The following GSE1 variants were observed in gnomAD, a reference collection of about 807,000 sequenced individuals.
GSE1 encodes genetic suppressor element 1.
GSE1 carries 32 observed loss-of-function variants against 112.6 expected under a neutral mutation model. The observed-to-expected ratio is 0.28, with a 90% CI of 0.21 to 0.38. The LOEUF (loss-of-function observed/expected upper bound fraction) is 0.38. Ranked by LOEUF, GSE1 falls within the 10% of genes least tolerant of loss-of-function variation. GSE1 has a pLI of 1.00. For missense variants in GSE1, 2,348 were observed against 1,699.2 expected (o/e 1.38, Z -6.71); for synonymous variants, 1,115 against 735.6 (o/e 1.52, Z -8.35).
intron 1 of GSE1, among the ~76,000 whole-genome samples, chr16:85,330,644 G>A (rs185379999): frequency 1.1e-4 from 17 of 152,326 alleles, no homozygotes; most frequent in South Asian, 1.0e-3. Flanking sequence ...GGCAGGGGTG[G>A]GCACCGGAGG....
chr16:85,517,891 G>A (rs1389296677), intron 2 of GSE1, among the ~76,000 whole-genome samples: 2 of 152,234 alleles, frequency 1.3e-5, no homozygotes, highest in Non-Finnish European at 2.9e-5. Flanking sequence ...CCTTGCGTGT[G>A]CCCCGTCAGT....
chr16:85,530,700 G>A (rs543841372), intron 2 of GSE1, among the ~76,000 whole-genome samples: 200 of 152,320 alleles, frequency 1.3e-3, no homozygotes, highest in Admixed American at 3.9e-3. Flanking sequence ...GCCTCACAGA[G>A]CACCCAGCCG....
At chr16:85,213,905 C>T (rs551797766) in intron 1 of GSE1, among the ~76,000 whole-genome samples, 105 of 152,340 alleles carry the variant, frequency 6.9e-4, no homozygotes, top group South Asian at 3.1e-3. Flanking sequence ...AGGTCAGTCA[C>T]GTGGGAACAG....
chr16:85,470,187 G>A (rs1448700089), intron 2 of GSE1, among the ~76,000 whole-genome samples: 1 of 152,252 alleles, frequency 6.6e-6, no homozygotes, highest in Non-Finnish European at 1.5e-5. Flanking sequence ...TGTTCATGCT[G>A]TGCCCACGGC....
At chr16:85,394,534 T>C (rs557922392) in intron 2 of GSE1, among the ~76,000 whole-genome samples, 3 of 152,256 alleles carry the variant, frequency 2.0e-5, no homozygotes, top group East Asian at 1.9e-4. Flanking sequence ...CCCTCCCCTG[T>C]GCCCATTTGT....
chr16:85,174,489 G>A (rs531634777), intron 1 of GSE1, among the ~76,000 whole-genome samples: 49 of 152,368 alleles, frequency 3.2e-4, no homozygotes, highest in Admixed American at 1.0e-3. Flanking sequence ...ACAGCCGGGA[G>A]AATGCCGGAA....
chr16:85,389,732 G>A (rs1370130203), intron 2 of GSE1, among the ~76,000 whole-genome samples: 2 of 152,064 alleles, frequency 1.3e-5, no homozygotes, highest in Non-Finnish European at 2.9e-5. Context: ...ACAAATCACT[G>A]AAGCCCTTCC....
intron 1 of GSE1, among the ~76,000 whole-genome samples, chr16:85,263,050 G>T (rs1484357708): frequency 2.0e-5 from 3 of 152,214 alleles, no homozygotes; most frequent in Non-Finnish European, 4.4e-5. Flanking sequence ...TCGCGGGAGG[G>T]CGGGGGCCGG....
At chr16:85,263,027 C>T (rs907922663) in intron 1 of GSE1, among the ~76,000 whole-genome samples, 13 of 152,304 alleles carry the variant, frequency 8.5e-5, no homozygotes, top group Middle Eastern at 3.4e-3. Flanking sequence ...AAATAACACA[C>T]GGATCCCACA....
intron 2 of GSE1, among the ~76,000 whole-genome samples, chr16:85,391,935 G>A (rs940564126): frequency 6.6e-6 from 1 of 152,092 alleles, no homozygotes; most frequent in African/African-American, 2.4e-5. Context: ...TAGGAGGTGG[G>A]TGTCCCCAGG....
intron 2 of GSE1, among the ~76,000 whole-genome samples, chr16:85,413,116 G>C (rs149667362): frequency 6.6e-6 from 1 of 152,190 alleles, no homozygotes; most frequent in Non-Finnish European, 1.5e-5. Context: ...CAGGCCGAGC[G>C]CCCTTTTCCA....
At chr16:85,287,470 C>T (rs1023572135) in intron 1 of GSE1, among the ~76,000 whole-genome samples, 4 of 152,158 alleles carry the variant, frequency 2.6e-5, no homozygotes, top group Non-Finnish European at 5.9e-5. Flanking sequence ...TCATCTCCTC[C>T]ACGCACCCGC....
intron 2 of GSE1, among the ~76,000 whole-genome samples, chr16:85,516,266 C>T (rs1484405923): frequency 6.6e-6 from 1 of 152,012 alleles, no homozygotes; most frequent in Non-Finnish European, 1.5e-5. Context: ...GGACCTTGGG[C>T]AGGCTGCTGC....
At chr16:85,531,527 T>C (rs1418120267) in intron 2 of GSE1, among the ~76,000 whole-genome samples, 1 of 152,164 alleles carries the variant, frequency 6.6e-6, no homozygotes. Flanking sequence ...TGGCCCAGCC[T>C]CTGCTAAAAG....
chr16:85,287,351 C>T (rs1227729204), intron 1 of GSE1, among the ~76,000 whole-genome samples: 6 of 152,130 alleles, frequency 3.9e-5, no homozygotes, highest in African/African-American at 9.7e-5. Flanking sequence ...CACCAGCCAC[C>T]CCAGGGTTTT....
At chr16:85,619,018 C>G (rs977849320) in intron 1 of GSE1, among the ~76,000 whole-genome samples, 4 of 152,236 alleles carry the variant, frequency 2.6e-5, no homozygotes, top group Non-Finnish European at 5.9e-5. Flanking sequence ...AACTGACTCC[C>G]TTGCGGTGTT....
intron 1 of GSE1, among the ~76,000 whole-genome samples, chr16:85,217,893 G>T (rs763033325): frequency 6.6e-6 from 1 of 151,752 alleles, no homozygotes; most frequent in South Asian, 2.1e-4. Context: ...TTTTCCAACA[G>T]AAATTTATTT....
chr16:85,376,096 G>GGTCC, intron 2 of GSE1, among the ~76,000 whole-genome samples: 1 of 151,946 alleles, frequency 6.6e-6, no homozygotes, highest in East Asian at 1.9e-4. Flanking sequence ...CAACCCTCAC[G>GGTCC]GTCCTCACCC....
At chr16:85,338,394 A>G (rs1187877972) in intron 1 of GSE1, among the ~76,000 whole-genome samples, 4 of 152,184 alleles carry the variant, frequency 2.6e-5, no homozygotes, top group African/African-American at 9.7e-5. Context: ...GCTGAGGATG[A>G]CAGCGTATGT....
Sources: gnomAD v4.1 joint callset for allele counts (sites outside exome capture counted in the v4.1 genomes callset) on GRCh38, gnomAD v4.1.1 for gene constraint, MANE v1.5 for transcripts, NCBI Gene and HGNC (gene_info 2026-07-23, HGNC 2026-07-21) for gene names.